EPHX2: variants seen among roughly 807,000 people sequenced by gnomAD.
EPHX2 encodes the protein epoxide hydrolase 2.
EPHX2 carries 74 observed loss-of-function variants against 78.7 expected under a neutral mutation model. The ratio of observed to expected loss-of-function variants is 0.94; its 90% CI spans 0.78 to 1.14. The LOEUF is 1.14. EPHX2 is among the 50% of genes most tolerant of loss of function. The probability of loss-of-function intolerance (pLI) is 0.00; values close to 1 mark genes in which losing one functional copy is unlikely to be tolerated. For synonymous variants in EPHX2, 251 were observed against 255.2 expected, an observed-to-expected ratio of 0.98 and a Z score of 0.16; for missense variants, 715 against 702.5, an observed-to-expected ratio of 1.02 and a Z score of -0.20.
chr8:27,521,045 A>G, intron 10 of EPHX2, 136 bp downstream of exon 10: 1 of 935,140 alleles, frequency 1.1e-6, no homozygotes, highest in Non-Finnish European at 1.7e-6. Flanking sequence ...CAGAGTGGGC[A>G]TGGGCAGGGA....
At position 27,544,928 on chromosome 8, in the gene EPHX2, T is replaced by C. The variant is rs1815539092; in HGVS notation, c.*406T>C. 4.8e-6 allele frequency: 1 copy of C among 206,344 alleles called. No homozygotes were observed. Among genetic ancestry groups the C allele is most frequent in the Non-Finnish European group, 9.9e-6 (1 of 101,264 alleles). The allele number at this position is 206,344 out of a possible 1,614,324, so 12.8% of individuals were successfully genotyped here. A position where few individuals can be genotyped will look rare whatever the true frequency, so the allele number is the denominator to read the frequency against. ...AAGCTAAGATGACTATGCTGCTGGC[T>C]GTCTTTGTTCTTGGAGAGGTGGAGT... On this transcript the variant is annotated 3_prime_UTR_variant, in exon 19 of 19. Coordinates refer to ENST00000521400, the MANE Select transcript of EPHX2 (RefSeq NM_001979.6).
rs72473999 is a variant in EPHX2 at position 27,500,533 on chromosome 8, A to G, written c.102-393A>G. Among the ~76,000 whole-genome samples the G allele has an allele frequency of 2.7e-3, 417 of 152,352 alleles. 1 individual carries two copies. The highest frequency in any genetic ancestry group is 9.6e-3 in the African/African-American group (398 of 41,578). On this transcript the variant is annotated intron_variant, in intron 1 of 18. Coordinates refer to ENST00000521400, the MANE Select transcript of EPHX2 (RefSeq NM_001979.6). ...AGGCAGAATCGAAACCACAAAAAAC[A>G]TATTCCATTCTTTTTGAAGAAGGTG...
intron 12 of EPHX2, among the ~76,000 whole-genome samples, chr8:27,527,002 G>T (rs140600436): frequency 1.3e-5 from 2 of 152,172 alleles, no homozygotes; most frequent in East Asian, 1.9e-4. Flanking sequence ...GTACAGTGGC[G>T]CAATCTCGGC....
At chr8:27,520,384 G>A (rs779268538) in intron 9 of EPHX2, among the ~76,000 whole-genome samples, 6 of 150,648 alleles carry the variant, frequency 4.0e-5, no homozygotes, top group Non-Finnish European at 7.4e-5. Context: ...GTTTCACTTT[G>A]TTACCAGGCT....
At chr8:27,498,629 G>A (rs780715041) in intron 1 of EPHX2, among the ~76,000 whole-genome samples, 1 of 152,026 alleles carries the variant, frequency 6.6e-6, no homozygotes, top group African/African-American at 2.4e-5. Flanking sequence ...CCTATGAATA[G>A]CATCATATTT....
At chr8:27,507,724 G>A (rs543833433) in intron 5 of EPHX2, among the ~76,000 whole-genome samples, 12 of 152,286 alleles carry the variant, frequency 7.9e-5, no homozygotes, top group Admixed American at 5.2e-4. Context: ...AGGCTGTGTG[G>A]CTTCAACAAC....
intron 8 of EPHX2, among the ~76,000 whole-genome samples, chr8:27,516,963 A>G (rs1442382523): frequency 7.5e-6 from 1 of 133,210 alleles, no homozygotes; most frequent in Non-Finnish European, 1.5e-5. Flanking sequence ...TCTGTCACCC[A>G]GGCTAGAGTG....
chr8:27,541,471 A>G lies in EPHX2; in HGVS notation c.1380-2A>G, dbSNP rs1815398366. 4.3e-6 allele frequency: 7 copies of G among 1,614,078 alleles called. No homozygotes were observed. Reference sequence around the variant, plus strand: ...TCTTTTTACTTTCTGATCTCTCCCCAGAGGTCCTCTAAACTGGTACCGAAA... The same window carrying G: ...TCTTTTTACTTTCTGATCTCTCCCCGGAGGTCCTCTAAACTGGTACCGAAA... On this transcript the variant is annotated splice_acceptor_variant, in intron 15 of 18. Transcript: ENST00000521400. LOFTEE classifies it high-confidence loss of function.
chr8:27,502,284 T>G (rs979609063), intron 2 of EPHX2, among the ~76,000 whole-genome samples: 2 of 152,260 alleles, frequency 1.3e-5, no homozygotes, highest in African/African-American at 4.8e-5. Flanking sequence ...TTATTCTCAT[T>G]GCTGCATGAC....
At chr8:27,519,837 A>G (rs572894694) in intron 9 of EPHX2, among the ~76,000 whole-genome samples, 36 of 152,140 alleles carry the variant, frequency 2.4e-4, no homozygotes, top group African/African-American at 8.4e-4. Flanking sequence ...TAGAGCAGGA[A>G]CTCCATGCTG....
intron 9 of EPHX2, among the ~76,000 whole-genome samples, chr8:27,519,629 C>T (rs748683307): frequency 5.3e-5 from 8 of 152,190 alleles, no homozygotes; most frequent in Non-Finnish European, 2.9e-5. Context: ...AGGGTGATGT[C>T]GTGAAGACTG....
At chr8:27,546,853 T>C (rs1236349421), downstream of EPHX2, among the ~76,000 whole-genome samples, 1 of 152,166 alleles carries the variant, frequency 6.6e-6, no homozygotes, top group African/African-American at 2.4e-5. Context: ...CTGGCTACTT[T>C]ATAAAGAAAA....
downstream of EPHX2, among the ~76,000 whole-genome samples, chr8:27,547,721 C>G (rs1358858348): frequency 6.6e-6 from 1 of 152,170 alleles, no homozygotes; most frequent in Non-Finnish European, 1.5e-5. Context: ...CCCAACCCTT[C>G]CCAGCCTCCT....
chr8:27,496,809 C>T (rs1813589626), intron 1 of EPHX2, among the ~76,000 whole-genome samples: 1 of 152,116 alleles, frequency 6.6e-6, no homozygotes, highest in Non-Finnish European at 1.5e-5. Context: ...ATTTTTTGCC[C>T]TTCCGAATTG....
chr8:27,532,936 G>C (rs1815095400), intron 12 of EPHX2, among the ~76,000 whole-genome samples: 1 of 152,118 alleles, frequency 6.6e-6, no homozygotes, highest in Non-Finnish European at 1.5e-5. Context: ...AACATAGCCA[G>C]ACCCCGTCTC....
chr8:27,538,521 CAG>C, intron 13 of EPHX2, 136 bp from the exon 14 acceptor site: 1 of 736,496 alleles, frequency 1.4e-6, no homozygotes, highest in Non-Finnish European at 2.2e-6. Context: ...GCGTGGTACT[CAG>C]AGGTCATTTG....
intron 11 of EPHX2, among the ~76,000 whole-genome samples, chr8:27,525,107 T>TGCGCGC (rs1182901102): frequency 3.6e-4 from 37 of 103,482 alleles, no homozygotes; most frequent in South Asian, 1.5e-3. Context: ...TGTGTGTGTG[T>TGCGCGC]GCGCGCGCGC....
intron 1 of EPHX2, among the ~76,000 whole-genome samples, chr8:27,499,301 TCA>T (rs1813681855): frequency 1.3e-5 from 2 of 152,166 alleles, no homozygotes; most frequent in Admixed American, 1.3e-4. Flanking sequence ...AGACAAACGT[TCA>T]AACCATAGCA....
At chr8:27,516,077 G>A (rs543945533) in intron 7 of EPHX2, among the ~76,000 whole-genome samples, 2 of 152,332 alleles carry the variant, frequency 1.3e-5, no homozygotes, top group Admixed American at 6.5e-5. Flanking sequence ...AGTATAGAAA[G>A]CTGCAAGAGC....
Sources: gnomAD v4.1 joint callset for allele counts (sites outside exome capture counted in the v4.1 genomes callset) on GRCh38, gnomAD v4.1.1 for gene constraint, MANE v1.5 for transcripts, NCBI Gene and HGNC (gene_info 2026-07-23, HGNC 2026-07-21) for gene names.